The following BCL2L1 variants were observed in gnomAD, a reference collection of about 807,000 sequenced individuals.
The protein encoded by BCL2L1 is bcl-2-like protein 1.
In BCL2L1, 1 loss-of-function variant was observed where a neutral mutation model predicts 18.7. The ratio of observed to expected loss-of-function variants is 0.05; its 90% confidence interval spans 0.02 to 0.25. BCL2L1 has a LOEUF of 0.25. BCL2L1 is among the 10% of genes least tolerant of loss of function. BCL2L1 has a pLI of 1.00. For missense variants in BCL2L1, 207 were observed against 304.9 expected (o/e 0.68, Z 2.39); for synonymous variants, 103 against 122.7 (o/e 0.84, Z 1.06).
intron 2 of BCL2L1, among the ~76,000 whole-genome samples, chr20:31,698,343 AG>A (rs563685136): frequency 3.9e-5 from 6 of 152,166 alleles, no homozygotes; most frequent in Non-Finnish European, 7.4e-5. Flanking sequence ...CCCAGGCTCA[AG>A]TGATCCTCCC....
At chr20:31,718,524 G>A (rs1340856303) in intron 2 of BCL2L1, among the ~76,000 whole-genome samples, 2 of 151,780 alleles carry the variant, frequency 1.3e-5, no homozygotes, top group South Asian at 2.1e-4. Flanking sequence ...GTGTGGTGGC[G>A]CATGCCTGTA....
At chr20:31,671,548 G>A (rs111306603) in intron 2 of BCL2L1, among the ~76,000 whole-genome samples, 1,984 of 152,140 alleles carry the variant, frequency 0.013, 40 homozygotes, top group African/African-American at 0.046. Flanking sequence ...CCCAACCTCT[G>A]GGATGAATGT....
chr20:31,705,927 C>A (rs750348121), intron 2 of BCL2L1, among the ~76,000 whole-genome samples: 8 of 152,054 alleles, frequency 5.3e-5, no homozygotes, highest in Non-Finnish European at 8.8e-5. Flanking sequence ...GCACCTGCTG[C>A]TTGACCCAGT....
At chr20:31,697,892 G>GTTTTTTTTTTTTTGTTTGTTT (rs1319361227) in intron 2 of BCL2L1, among the ~76,000 whole-genome samples, 20 of 129,638 alleles carry the variant, frequency 1.5e-4, no homozygotes, top group Non-Finnish European at 2.1e-4. Flanking sequence ...TGCTGTTGCT[G>GTTTTTTTTTTTTTGTTTGTTT]TTTTTTTTTT....
intron 2 of BCL2L1, among the ~76,000 whole-genome samples, chr20:31,715,216 G>A (rs2061512331): frequency 6.6e-6 from 1 of 150,670 alleles, no homozygotes; most frequent in Non-Finnish European, 1.5e-5. Context: ...AGCTTGCAGT[G>A]AGCAGAGATC....
intron 2 of BCL2L1, among the ~76,000 whole-genome samples, chr20:31,717,972 T>C (rs2061563560): frequency 6.6e-6 from 1 of 152,168 alleles, no homozygotes; most frequent in Non-Finnish European, 1.5e-5. Context: ...TCCAGGAAAG[T>C]ATCACAGGGA....
chr20:31,720,287 T>C (rs2061601701), intron 2 of BCL2L1, among the ~76,000 whole-genome samples: 1 of 152,202 alleles, frequency 6.6e-6, no homozygotes, highest in Admixed American at 6.5e-5. Context: ...GTGAAGTGCC[T>C]GCCACACCCT....
chr20:31,675,615 T>C (rs2376992), intron 2 of BCL2L1, among the ~76,000 whole-genome samples: 44,441 of 151,898 alleles, frequency 0.29, 8,199 homozygotes, highest in African/African-American at 0.51. Context: ...CACGGAAACA[T>C]AGGCCTGGAG....
At chr20:31,711,842 A>G (rs2061456766) in intron 2 of BCL2L1, among the ~76,000 whole-genome samples, 1 of 152,236 alleles carries the variant, frequency 6.6e-6, no homozygotes, top group Non-Finnish European at 1.5e-5. Context: ...GTAAATTGAA[A>G]GTATTATCAT....
intron 2 of BCL2L1, chr20:31,720,078 A>C (rs1403248016): frequency 1.0e-6 from 1 of 985,004 alleles, no homozygotes; most frequent in Non-Finnish European, 1.2e-6. Context: ...AATGGCTTTC[A>C]AGTCTAGTCA....
intron 2 of BCL2L1, among the ~76,000 whole-genome samples, chr20:31,675,366 G>A (rs1366120393): frequency 6.6e-6 from 1 of 152,202 alleles, no homozygotes; most frequent in Non-Finnish European, 1.5e-5. Flanking sequence ...CAGTTTCCCT[G>A]AGGGAGAGGC....
At chr20:31,695,833 G>T (rs2061158635) in intron 2 of BCL2L1, among the ~76,000 whole-genome samples, 1 of 152,134 alleles carries the variant, frequency 6.6e-6, no homozygotes, top group East Asian at 1.9e-4. Context: ...ACTGCATTCA[G>T]ATCCAATGTC....
At chr20:31,703,497 T>TA in intron 2 of BCL2L1, among the ~76,000 whole-genome samples, 1 of 150,098 alleles carries the variant, frequency 6.7e-6, no homozygotes, top group East Asian at 2.0e-4. Context: ...GTGGTTGTTT[T>TA]TTTTTTTTTT....
intron 2 of BCL2L1, among the ~76,000 whole-genome samples, chr20:31,701,441 G>A (rs1231645050): frequency 6.6e-6 from 1 of 152,306 alleles, no homozygotes; most frequent in Non-Finnish European, 1.5e-5. Context: ...TCAGTTCAAA[G>A]GACTTTTGTA....
In BCL2L1 at chr20:31,665,183, C is replaced by G. The variant is rs990927727; in HGVS notation, c.*766G>C. 1 of 174,354 alleles carries G rather than the reference C, an allele frequency of 5.7e-6. No homozygotes were observed. The highest frequency in any genetic ancestry group is 2.4e-5 in the African/African-American group (1 of 42,084). 10.8% of individuals were successfully genotyped at this position (174,354 alleles called of 1,614,324 possible). The stretch of plus-strand genomic sequence containing the variant: ...GGCATCTGTCTTGGGCCCAGTTGGT[C>G]CCTCAGTATGGTCATGGGAGCCAGG... On this transcript the variant is annotated 3_prime_UTR_variant, in exon 3 of 3. Transcript: ENST00000307677.
chr20:31,677,794 A>T (rs1351881618), intron 2 of BCL2L1, among the ~76,000 whole-genome samples: 1 of 152,150 alleles, frequency 6.6e-6, no homozygotes, highest in African/African-American at 2.4e-5. Context: ...GTCTTAATCC[A>T]CAGGTCACTT....
chr20:31,676,679 T>G (rs1213058997), intron 2 of BCL2L1, among the ~76,000 whole-genome samples: 1 of 152,086 alleles, frequency 6.6e-6, no homozygotes, highest in Non-Finnish European at 1.5e-5. Context: ...CAACCTTCCA[T>G]GTAATACTCA....
At chr20:31,706,215 C>T (rs1427931818) in intron 2 of BCL2L1, among the ~76,000 whole-genome samples, 3 of 152,162 alleles carry the variant, frequency 2.0e-5, no homozygotes, top group Admixed American at 6.5e-5. Context: ...TCAGAACTCC[C>T]GCACTGAAGT....
intron 2 of BCL2L1, among the ~76,000 whole-genome samples, chr20:31,691,966 AAC>A (rs1272422796): frequency 2.6e-5 from 4 of 152,238 alleles, no homozygotes; most frequent in African/African-American, 9.6e-5. Context: ...AATTCACACA[AAC>A]ACAGGAAAAC....
Sources: allele counts gnomAD v4.1 joint callset (sites outside exome capture counted in the v4.1 genomes callset), GRCh38; gene constraint gnomAD v4.1.1; transcripts MANE v1.5; gene names NCBI Gene and HGNC (gene_info 2026-07-23, HGNC 2026-07-21).